Variants in CHKA observed in about 807,000 individuals in gnomAD.
The protein encoded by CHKA is choline kinase alpha, also known as CHETK-alpha.
CHKA carries 34 observed loss-of-function variants against 60.1 expected under a neutral mutation model. The observed-to-expected ratio is 0.57, with a 90% CI of 0.43 to 0.75. The LOEUF (loss-of-function observed/expected upper bound fraction) is 0.75, where lower values mean the gene tolerates loss of function less well. CHKA is among the 30% of genes least tolerant of loss of function. The pLI, the probability that CHKA is intolerant of heterozygous loss-of-function variation, is 0.00. For missense variants in CHKA, 563 were observed against 561.3 expected (o/e 1.00, Z -0.03); for synonymous variants, 217 against 223.1 (o/e 0.97, Z 0.24).
At chr11:68,075,042 A>G (rs1245394013) in intron 3 of CHKA, among the ~76,000 whole-genome samples, 2 of 152,218 alleles carry the variant, frequency 1.3e-5, no homozygotes, top group Non-Finnish European at 2.9e-5. Flanking sequence ...TGCAAGCACT[A>G]TGCTATATTG....
At chr11:68,084,940 A>G (rs1021762301) in intron 2 of CHKA, among the ~76,000 whole-genome samples, 5 of 152,172 alleles carry the variant, frequency 3.3e-5, no homozygotes, top group Non-Finnish European at 7.3e-5. Flanking sequence ...AAGACCTAAG[A>G]AATCAGAATG....
chr11:68,093,559 T>C (rs923169063), intron 2 of CHKA, among the ~76,000 whole-genome samples: 9 of 152,238 alleles, frequency 5.9e-5, no homozygotes, highest in African/African-American at 2.2e-4. Flanking sequence ...TAGTCTTTTT[T>C]CTTAGAAATA....
At chr11:68,114,083 T>C (rs113830374) in intron 1 of CHKA, among the ~76,000 whole-genome samples, 5 of 152,162 alleles carry the variant, frequency 3.3e-5, no homozygotes, top group African/African-American at 1.2e-4. Flanking sequence ...CAAATGCTAG[T>C]AAGGACATAG....
intron 3 of CHKA, among the ~76,000 whole-genome samples, chr11:68,079,525 G>A (rs921878632): frequency 7.9e-5 from 12 of 151,834 alleles, no homozygotes; most frequent in African/African-American, 2.9e-4. Context: ...TAGAGACGGG[G>A]TTTCACCATG....
At chr11:68,111,097 A>G (rs1424232282) in intron 1 of CHKA, among the ~76,000 whole-genome samples, 1 of 151,998 alleles carries the variant, frequency 6.6e-6, no homozygotes, top group Non-Finnish European at 1.5e-5. Flanking sequence ...ACAATACTCA[A>G]CCTCAAGAAT....
chr11:68,070,494 CCCTT>C (rs1350553480), intron 5 of CHKA, among the ~76,000 whole-genome samples: 1 of 152,114 alleles, frequency 6.6e-6, no homozygotes, highest in African/African-American at 2.4e-5. Context: ...TTTCTTCTGT[CCCTT>C]CACCCGTTCA....
chr11:68,117,942 G>A (rs984730137), intron 1 of CHKA, among the ~76,000 whole-genome samples: 4 of 152,206 alleles, frequency 2.6e-5, no homozygotes, highest in African/African-American at 9.7e-5. Context: ...GTGCAGAGGA[G>A]GGATTTCTGG....
chr11:68,068,443 G>C (rs573846701), intron 7 of CHKA, among the ~76,000 whole-genome samples: 2 of 149,486 alleles, frequency 1.3e-5, no homozygotes, highest in East Asian at 1.9e-4. Context: ...TTTTTAACAG[G>C]ATCTTGCTCT....
intron 11 of CHKA, among the ~76,000 whole-genome samples, chr11:68,060,361 G>A (rs528969024): frequency 6.6e-6 from 1 of 151,894 alleles, no homozygotes; most frequent in East Asian, 1.9e-4. Flanking sequence ...CCAGGCTGGA[G>A]TGCAATGGCG....
rs867668474 is a variant in CHKA, at chr11:68,055,963, G to A, written c.1315-1916C>T. Among the ~76,000 whole-genome samples the A allele has an allele frequency of 3.3e-5, 5 of 151,946 alleles. No homozygotes were observed. The East Asian group carries it at 5.8e-4, about 18-fold the overall frequency. On this transcript the variant is annotated intron_variant, in intron 11 of 11. Coordinates refer to ENST00000265689, the MANE Select transcript of CHKA (RefSeq NM_001277.3). Reference sequence around the variant, plus strand: ...CTTGGGAGGCTGAGGCAGGAGAGTCGTTTGAACCCAGAAGGCAGAGGTTGT... The same window carrying A: ...CTTGGGAGGCTGAGGCAGGAGAGTCATTTGAACCCAGAAGGCAGAGGTTGT...
chr11:68,060,434 C>T (rs1175901072), intron 11 of CHKA, among the ~76,000 whole-genome samples: 6 of 152,160 alleles, frequency 3.9e-5, no homozygotes, highest in Admixed American at 2.0e-4. Context: ...CTCAGCCTCC[C>T]TAAGTACCTG....
chr11:68,111,990 T>C (rs1414239773), intron 1 of CHKA, among the ~76,000 whole-genome samples: 1 of 128,544 alleles, frequency 7.8e-6, no homozygotes, highest in African/African-American at 2.9e-5. Flanking sequence ...GAGGTGGAGG[T>C]TGCGGTGAGC....
chr11:68,108,605 G>A (rs1304167440), intron 1 of CHKA, among the ~76,000 whole-genome samples: 5 of 152,128 alleles, frequency 3.3e-5, no homozygotes, highest in South Asian at 2.1e-4. Context: ...TTAGCCTGGC[G>A]TGGTGGCGGG....
chr11:68,112,367 C>T (rs1005949418), intron 1 of CHKA, among the ~76,000 whole-genome samples: 3 of 152,176 alleles, frequency 2.0e-5, no homozygotes, highest in African/African-American at 7.2e-5. Flanking sequence ...AGCGATTCTT[C>T]CTGCCTTAGC....
intron 1 of CHKA, among the ~76,000 whole-genome samples, chr11:68,120,519 C>T (rs1858584601): frequency 6.6e-6 from 1 of 152,254 alleles, no homozygotes; most frequent in Admixed American, 6.5e-5. Flanking sequence ...AGCGTCAGTA[C>T]CACACGCACT....
Position 68,065,836 on chromosome 11 carries a change from A to C in CHKA, c.1075T>G (p.Tyr359Asp). The C allele has an allele frequency of 1.9e-6, 3 of 1,607,582 alleles. No homozygotes were observed. The East Asian group carries it at 6.7e-5, about 36-fold the overall frequency. ...EWMYDYSYEKYPFFRANIRKY... is the reference protein window; with the variant it reads ...EWMYDYSYEKDPFFRANIRKY... ...CGGATGTTTGCTCTGAAAAAAGGGT[A>C]TTTTTCATAGCTATAATCATACATC... Residue 359 changes from tyrosine (Y) to aspartate (D), a missense_variant, in exon 9 of 12, where the codon TAC (tyrosine) becomes GAC (aspartate). Transcript: ENST00000265689.
At chr11:68,114,521 C>T (rs1858308386) in intron 1 of CHKA, among the ~76,000 whole-genome samples, 1 of 151,972 alleles carries the variant, frequency 6.6e-6, no homozygotes, top group Non-Finnish European at 1.5e-5. Context: ...TATGGTGAAA[C>T]CCTGTCTCTA....
intron 1 of CHKA, among the ~76,000 whole-genome samples, chr11:68,118,206 C>T (rs1389016927): frequency 6.6e-6 from 1 of 152,074 alleles, no homozygotes; most frequent in Non-Finnish European, 1.5e-5. Context: ...CTTTGGGAGG[C>T]TGAAGCGGAA....
chr11:68,077,194 C>G (rs1054106103), intron 3 of CHKA, among the ~76,000 whole-genome samples: 1 of 151,298 alleles, frequency 6.6e-6, no homozygotes, highest in Non-Finnish European at 1.5e-5. Flanking sequence ...GAGCCGAGAT[C>G]ACACCACTGC....
Sources: gnomAD v4.1 joint callset for allele counts (sites outside exome capture counted in the v4.1 genomes callset) on GRCh38, gnomAD v4.1.1 for gene constraint, MANE v1.5 for transcripts, NCBI Gene and HGNC (gene_info 2026-07-23, HGNC 2026-07-21) for gene names.